Variants in SLC71A2 observed in about 807,000 individuals in gnomAD.
SLC71A2 encodes the protein hippocampus abundant transcript-like 1.
chr9:94,439,500 T>TA, the SLC71A2 span, among the ~76,000 whole-genome samples: 1 of 151,644 alleles, frequency 6.6e-6, no homozygotes, highest in African/African-American at 2.4e-5. Flanking sequence ...AGAACACACT[T>TA]ACATATGGAA....
chr9:94,444,077 C>A, the SLC71A2 span, among the ~76,000 whole-genome samples: 1 of 152,046 alleles, frequency 6.6e-6, no homozygotes, highest in Middle Eastern at 3.4e-3. Context: ...TTTTTTATTG[C>A]CAGAAATTTT....
At chr9:94,458,251 G>A in the SLC71A2 span, 2 of 1,397,936 alleles carry the variant, frequency 1.4e-6, no homozygotes, top group Non-Finnish European at 2.0e-6. Flanking sequence ...TTATGAGAAA[G>A]TACTGTGCAG....
chr9:94,390,103 AC>A, the SLC71A2 span, among the ~76,000 whole-genome samples: 4 of 151,998 alleles, frequency 2.6e-5, no homozygotes, highest in Admixed American at 6.6e-5. Flanking sequence ...AGTCCCAGCT[AC>A]TCAAAAGGCT....
At chr9:94,429,962 T>C in the SLC71A2 span, among the ~76,000 whole-genome samples, 3 of 149,872 alleles carry the variant, frequency 2.0e-5, no homozygotes, top group African/African-American at 7.4e-5. Flanking sequence ...TGGAGTGCAG[T>C]GTGGTGAGAT....
At chr9:94,378,434 C>T in the SLC71A2 span, among the ~76,000 whole-genome samples, 1 of 152,012 alleles carries the variant, frequency 6.6e-6, no homozygotes, top group Admixed American at 6.6e-5. Context: ...TGGAGACCAG[C>T]GTGGCCAACA....
chr9:94,408,974 C>T, the SLC71A2 span, among the ~76,000 whole-genome samples: 10 of 151,184 alleles, frequency 6.6e-5, no homozygotes, highest in African/African-American at 2.4e-4. Context: ...CTACAGGCAT[C>T]CGCCACCACG....
chr9:94,437,843 T>C, the SLC71A2 span, among the ~76,000 whole-genome samples: 1 of 147,146 alleles, frequency 6.8e-6, no homozygotes, highest in Non-Finnish European at 1.5e-5. Context: ...CATCGCTCTT[T>C]TCTAATTTCT....
At chr9:94,447,173 C>T in the SLC71A2 span, among the ~76,000 whole-genome samples, 4 of 150,724 alleles carry the variant, frequency 2.7e-5, no homozygotes, top group African/African-American at 9.9e-5. Context: ...TTAGCAGAAA[C>T]ATAATTTATC....
At chr9:94,435,252 TA>T in the SLC71A2 span, among the ~76,000 whole-genome samples, 1 of 152,204 alleles carries the variant, frequency 6.6e-6, no homozygotes, top group Admixed American at 6.5e-5. Flanking sequence ...ACTGTGTCAC[TA>T]AATAAATAGA....
At chr9:94,454,180 T>C in the SLC71A2 span, 4 of 716,912 alleles carry the variant, frequency 5.6e-6, no homozygotes, top group Middle Eastern at 7.1e-4. Context: ...GCTGGTTTGG[T>C]GTATTCAACA....
chr9:94,389,927 T>G, the SLC71A2 span, among the ~76,000 whole-genome samples: 2 of 151,150 alleles, frequency 1.3e-5, no homozygotes, highest in African/African-American at 4.9e-5. Context: ...CTCTTAAAAG[T>G]GTCTTGGCCG....
At chr9:94,388,983 C>CT in the SLC71A2 span, among the ~76,000 whole-genome samples, 5 of 152,106 alleles carry the variant, frequency 3.3e-5, no homozygotes, top group Non-Finnish European at 5.9e-5. Context: ...CATTGCCTGT[C>CT]TAAGGATCCC....
At chr9:94,388,511 C>G in the SLC71A2 span, among the ~76,000 whole-genome samples, 3 of 152,140 alleles carry the variant, frequency 2.0e-5, no homozygotes, top group Non-Finnish European at 4.4e-5. Context: ...TTAAAAGGGA[C>G]TTGGTGAAAC....
At chr9:94,392,708 C>T in the SLC71A2 span, among the ~76,000 whole-genome samples, 1 of 152,122 alleles carries the variant, frequency 6.6e-6, no homozygotes, top group Non-Finnish European at 1.5e-5. Context: ...ACCATGTTGG[C>T]CAGGATGATC....
At chr9:94,386,926 AG>A in the SLC71A2 span, among the ~76,000 whole-genome samples, 1 of 152,130 alleles carries the variant, frequency 6.6e-6, no homozygotes, top group Non-Finnish European at 1.5e-5. Context: ...TCAGCTTTTC[AG>A]ACTTTTTTTT....
At chr9:94,453,094 C>T in the SLC71A2 span, among the ~76,000 whole-genome samples, 2 of 151,260 alleles carry the variant, frequency 1.3e-5, no homozygotes, top group South Asian at 4.1e-4. Context: ...ATTATGTTAA[C>T]CTTTCAAGTT....
the SLC71A2 span, among the ~76,000 whole-genome samples, chr9:94,452,671 ATATATTCATATATT>A: frequency 3.7e-5 from 2 of 54,100 alleles, no homozygotes; most frequent in African/African-American, 1.8e-4. Context: ...ATATATTCAT[ATATATTCATATATT>A]CATATATATT....
chr9:94,433,574 AACAAAC>A, the SLC71A2 span, among the ~76,000 whole-genome samples: 1 of 151,106 alleles, frequency 6.6e-6, no homozygotes, highest in Non-Finnish European at 1.5e-5. Context: ...TTTATTATTT[AACAAAC>A]ACTGGATACA....
chr9:94,452,258 C>T, the SLC71A2 span, among the ~76,000 whole-genome samples: 2 of 152,074 alleles, frequency 1.3e-5, no homozygotes, highest in African/African-American at 4.8e-5. Flanking sequence ...GCTTTAACTC[C>T]GACTGTTCCC....
Sources: allele counts gnomAD v4.1 joint callset (sites outside exome capture counted in the v4.1 genomes callset), GRCh38; gene constraint gnomAD v4.1.1; transcripts MANE v1.5; gene names NCBI Gene and HGNC (gene_info 2026-07-23, HGNC 2026-07-21).